The following TESK2 variants were observed in gnomAD, a reference collection of about 807,000 sequenced individuals.
The protein encoded by TESK2 is testis associated actin remodelling kinase 2.
TESK2 carries 39 observed loss-of-function variants against 57.1 expected under a neutral mutation model. That is an observed-to-expected ratio of 0.68 (90% CI 0.53 to 0.89). The LOEUF is 0.89. Among genes scored for constraint, TESK2 ranks in the 40% least tolerant of loss-of-function variants. The pLI, the probability that TESK2 is intolerant of heterozygous loss-of-function variation, is 0.00. For missense variants in TESK2, 646 were observed against 732.1 expected (o/e 0.88, Z 1.36); for synonymous variants, 249 against 267.9 (o/e 0.93, Z 0.69).
chr1:45,461,354 AAAC>A (rs921393779), intron 1 of TESK2, among the ~76,000 whole-genome samples: 5 of 152,266 alleles, frequency 3.3e-5, no homozygotes, highest in Admixed American at 6.5e-5. Flanking sequence ...CTCCGTCTCA[AAAC>A]AACAACAACA....
At chr1:45,351,341 C>T (rs1647228326) in intron 5 of TESK2, among the ~76,000 whole-genome samples, 1 of 152,234 alleles carries the variant, frequency 6.6e-6, no homozygotes, top group East Asian at 1.9e-4. Flanking sequence ...GGCCTTGCCA[C>T]TGCAAAAGTC....
rs556693124 is a variant in TESK2 at position 45,384,323 on chromosome 1, C to CCATGTATGTATGTATG, written c.393+1588_393+1589insCATACATACATACATG. On this transcript the variant is annotated intron_variant, in intron 4 of 10. Coordinates refer to ENST00000372086, the MANE Select transcript of TESK2 (RefSeq NM_007170.3). ...ATCTATCTATCGACAGGGTCTCACT[C>CCATGTATGTATGTATG]TATGTATGTATGTATGTATGTATGT... Among the ~76,000 whole-genome samples, 1,094 of 150,446 alleles carry CCATGTATGTATGTATG rather than the reference C, an allele frequency of 7.3e-3. 15 individuals carry two copies. The highest frequency in any genetic ancestry group is 0.025 in the African/African-American group (1,026 of 40,768).
At chr1:45,383,491 T>C (rs1648743398) in intron 4 of TESK2, among the ~76,000 whole-genome samples, 3 of 152,184 alleles carry the variant, frequency 2.0e-5, no homozygotes, top group African/African-American at 7.2e-5. Flanking sequence ...AAGTACACAT[T>C]GTATGTTTTA....
chr1:45,486,068 A>C (rs955763800), intron 1 of TESK2, among the ~76,000 whole-genome samples: 1 of 152,208 alleles, frequency 6.6e-6, no homozygotes, highest in African/African-American at 2.4e-5. Context: ...ACTTATTACA[A>C]CCAGGCTTTT....
At chr1:45,378,842 T>C (rs142234412) in intron 4 of TESK2, among the ~76,000 whole-genome samples, 1 of 152,180 alleles carries the variant, frequency 6.6e-6, no homozygotes, top group East Asian at 1.9e-4. Context: ...ATTTTCTAAT[T>C]TACATCTTTG....
chr1:45,376,754 C>A (rs1648447072), intron 4 of TESK2, among the ~76,000 whole-genome samples: 1 of 152,004 alleles, frequency 6.6e-6, no homozygotes, highest in African/African-American at 2.4e-5. Flanking sequence ...GAAGGGACAC[C>A]TAAAGCAAGA....
chr1:45,443,549 G>A (rs150116596), intron 2 of TESK2, among the ~76,000 whole-genome samples: 216 of 137,646 alleles, frequency 1.6e-3, no homozygotes, highest in African/African-American at 5.6e-3. Flanking sequence ...CAGCCTGGGT[G>A]GCAGAGCGAG....
intron 4 of TESK2, among the ~76,000 whole-genome samples, chr1:45,360,399 G>C (rs1647635568): frequency 6.6e-6 from 1 of 152,098 alleles, no homozygotes; most frequent in Non-Finnish European, 1.5e-5. Context: ...TCCCAACTGA[G>C]TGCCAGGCAG....
chr1:45,376,767 G>A (rs989011383), intron 4 of TESK2, among the ~76,000 whole-genome samples: 1 of 152,138 alleles, frequency 6.6e-6, no homozygotes, highest in Non-Finnish European at 1.5e-5. Context: ...AAGCAAGAAT[G>A]TATAGAAGAG....
intron 3 of TESK2, among the ~76,000 whole-genome samples, chr1:45,392,078 TATTG>T (rs150751811): frequency 6.6e-6 from 1 of 152,100 alleles, no homozygotes; most frequent in African/African-American, 2.4e-5. Context: ...GAATATAAGG[TATTG>T]ATTGATTGAT....
At chr1:45,475,239 T>C (rs1446001402) in intron 1 of TESK2, among the ~76,000 whole-genome samples, 2 of 137,218 alleles carry the variant, frequency 1.5e-5, no homozygotes, top group Non-Finnish European at 3.2e-5. Context: ...TTGAGTCTCG[T>C]TCTGTTGCCC....
chr1:45,344,271 T>G lies in TESK2; in HGVS notation c.*569A>C, dbSNP rs1002653774. ...CTTTGAATAGGTTAGCTAAGAGCCATGACCACCACGCTGCCTTGCTGTCCC... is the reference window on the plus strand; with the variant it reads ...CTTTGAATAGGTTAGCTAAGAGCCAGGACCACCACGCTGCCTTGCTGTCCC... On this transcript the variant is annotated 3_prime_UTR_variant, in exon 11 of 11. Transcript: ENST00000372086. 6.3e-6 allele frequency: 1 copy of G among 158,012 alleles called. No individual in the cohort carries two copies. Among genetic ancestry groups the G allele is most frequent in the Non-Finnish European group, 1.4e-5 (1 of 71,396 alleles). The allele number at this position is 158,012 out of a possible 1,614,324, so 9.8% of individuals were successfully genotyped here. A position where few individuals can be genotyped will look rare whatever the true frequency, so the allele number is the denominator to read the frequency against.
chr1:45,391,712 G>A lies in TESK2; in HGVS notation c.345-5752C>T, dbSNP rs1277412941. The stretch of plus-strand genomic sequence containing the variant: ...GCTAAAATTTCATCTTCTATACAAA[G>A]GATCTCCTGGACGCCCTTAGCATTA... On this transcript the variant is annotated intron_variant, in intron 3 of 10. Coordinates refer to ENST00000372086, the MANE Select transcript of TESK2 (RefSeq NM_007170.3). Among the ~76,000 whole-genome samples the A allele has an allele frequency of 2.0e-5, 3 of 152,094 alleles. No individual in the cohort carries two copies. The East Asian group carries it at 5.8e-4, about 29-fold the overall frequency.
At chr1:45,356,269 G>A (rs2149265394) in intron 4 of TESK2, among the ~76,000 whole-genome samples, 1 of 152,144 alleles carries the variant, frequency 6.6e-6, no homozygotes, top group South Asian at 2.1e-4. Context: ...ATTGGTCCCT[G>A]GATGTCATTT....
intron 3 of TESK2, among the ~76,000 whole-genome samples, chr1:45,406,609 CA>C (rs1649860217): frequency 6.6e-6 from 1 of 151,872 alleles, no homozygotes; most frequent in Non-Finnish European, 1.5e-5. Flanking sequence ...AACCCATGAT[CA>C]CACCCACTGC....
Position 45,355,365 on chromosome 1 carries a change from T to C in TESK2, c.478A>G (p.Ile160Val), listed in dbSNP as rs764190439. ...TGAAGGTAGCTGAGGCCCACTGCTA[T>C]GTCATAGGCCAGTTTTACCCTCACA... ...WTVRVKLAYDIAVGLSYLHFK... is the reference protein window; with the variant it reads ...WTVRVKLAYDVAVGLSYLHFK... Residue 160 changes from isoleucine to valine, a missense_variant, in exon 5 of 11, where the codon ATA becomes GTA. Physicochemically the swap from Ile to Val is conservative, Grantham distance 29. Coordinates refer to ENST00000372086, the MANE Select transcript of TESK2 (RefSeq NM_007170.3). 11 of 1,613,892 alleles carry C rather than the reference T, an allele frequency of 6.8e-6. No homozygotes were observed. The Admixed American group carries it at 1.3e-4, about 20-fold the overall frequency.
intron 4 of TESK2, among the ~76,000 whole-genome samples, chr1:45,364,338 G>A (rs527991557): frequency 6.6e-6 from 1 of 152,268 alleles, no homozygotes; most frequent in South Asian, 2.1e-4. Flanking sequence ...AGAGATATAG[G>A]CACACAGGGA....
chr1:45,375,066 T>C (rs904524189), intron 4 of TESK2, among the ~76,000 whole-genome samples: 5 of 152,238 alleles, frequency 3.3e-5, no homozygotes, highest in Non-Finnish European at 5.9e-5. Context: ...CAGACTTTAT[T>C]GTAACAGTCT....
At chr1:45,379,885 AT>A (rs1207371486) in intron 4 of TESK2, among the ~76,000 whole-genome samples, 1 of 151,306 alleles carries the variant, frequency 6.6e-6, no homozygotes, top group East Asian at 1.9e-4. Flanking sequence ...AGAATAGTTT[AT>A]TTTTTTTTAA....
Sources: allele counts gnomAD v4.1 joint callset (sites outside exome capture counted in the v4.1 genomes callset), GRCh38; gene constraint gnomAD v4.1.1; transcripts MANE v1.5; gene names NCBI Gene and HGNC (gene_info 2026-07-23, HGNC 2026-07-21).